Variants in C18orf54 observed in about 807,000 individuals in gnomAD.
The protein encoded by C18orf54 is lung adenoma susceptibility protein 2.
C18orf54 carries 49 observed loss-of-function variants against 49.3 expected under a neutral mutation model. The observed-to-expected ratio is 0.99, with a 90% CI of 0.79 to 1.26. The LOEUF is 1.26. C18orf54 is among the 50% of genes most tolerant of loss of function. C18orf54 has a pLI of 0.00. For missense variants in C18orf54, 687 were observed against 620.6 expected, an observed-to-expected ratio of 1.11 and a Z score of -1.14; for synonymous variants, 211 against 216.6, an observed-to-expected ratio of 0.97 and a Z score of 0.23.
rs1165613066 is a variant in C18orf54, at chr18:54,379,873, G to T, written c.*1627G>T. 6.6e-6 allele frequency: 1 copy of T among 151,906 alleles called. No individual in the cohort carries two copies. Among genetic ancestry groups the T allele is most frequent in the African/African-American group, 2.4e-5 (1 of 41,392 alleles). 9.4% of individuals were successfully genotyped at this position (151,906 alleles called of 1,614,324 possible). The stretch of plus-strand genomic sequence containing the variant: ...GTTGATCATACATAATATATACTAT[G>T]CCTGGAAATTATGACTGAAAAGCAC... On this transcript the variant is annotated 3_prime_UTR_variant, in exon 9 of 9. Coordinates refer to ENST00000620105, the MANE Select transcript of C18orf54 (RefSeq NM_001288980.2).
chr18:54,363,016 T>C (rs2089303693), intron 5 of C18orf54, 95 bp downstream of exon 5: 1 of 1,192,450 alleles, frequency 8.4e-7, no homozygotes, highest in Admixed American at 2.6e-5. Flanking sequence ...TAATTAATAA[T>C]ATTGTAACTC....
chr18:54,367,043 C>G (rs1200334909), intron 6 of C18orf54, among the ~76,000 whole-genome samples: 1 of 152,024 alleles, frequency 6.6e-6, no homozygotes, highest in African/African-American at 2.4e-5. Context: ...TTATGTGTAT[C>G]TTTAAAGGTG....
chr18:54,369,703 A>G (rs1466132550), intron 6 of C18orf54, among the ~76,000 whole-genome samples: 2 of 152,038 alleles, frequency 1.3e-5, no homozygotes, highest in Non-Finnish European at 2.9e-5. Flanking sequence ...TCCTGACCTC[A>G]AGTGATCCAC....
intron 8 of C18orf54, 88 bp from the exon 9 acceptor site, chr18:54,378,086 G>C: frequency 2.0e-6 from 1 of 510,450 alleles, no homozygotes; most frequent in Non-Finnish European, 2.8e-6. Flanking sequence ...GAAGTTAATA[G>C]TCAACTTTAT....
intron 6 of C18orf54, among the ~76,000 whole-genome samples, chr18:54,370,267 A>T (rs532666565): frequency 5.2e-4 from 75 of 144,310 alleles, no homozygotes; most frequent in Non-Finnish European, 1.0e-3. Flanking sequence ...ACAGAGCGAG[A>T]CTCTGTCTCA....
In C18orf54 at chr18:54,360,988, G is replaced by A. The variant is rs977247319; in HGVS notation, c.283+133G>A. On this transcript the variant is annotated intron_variant, in intron 3 of 8. Transcript: ENST00000620105. ...AATAACATAATATTGAGATCTGGGT[G>A]TTTTTGTAAAATGATTATATAATTC... is the stretch of plus-strand genomic sequence containing the variant. 8.3e-6 allele frequency: 7 copies of A among 846,542 alleles called. No homozygotes were observed. The East Asian group carries it at 1.8e-4, about 22-fold the overall frequency. 52.4% of individuals were successfully genotyped at this position (846,542 alleles called of 1,614,324 possible).
At chr18:54,374,115 G>T in intron 7 of C18orf54, 99 bp from the exon 8 acceptor site, 2 of 1,006,366 alleles carry the variant, frequency 2.0e-6, no homozygotes, top group Non-Finnish European at 1.4e-6. Flanking sequence ...TGGAAATGTA[G>T]AAAATATTTT....
At chr18:54,377,618 T>C (rs2089597935) in intron 8 of C18orf54, among the ~76,000 whole-genome samples, 1 of 152,188 alleles carries the variant, frequency 6.6e-6, no homozygotes, top group African/African-American at 2.4e-5. Context: ...AAAATCTAGG[T>C]TGTTGGTATA....
intron 6 of C18orf54, among the ~76,000 whole-genome samples, chr18:54,369,595 G>A (rs8087762): frequency 0.94 from 142,023 of 151,600 alleles, 66,568 homozygotes; most frequent in East Asian, 1. Flanking sequence ...TAGCCTCCCA[G>A]GTAGCTGGGA....
rs2089534154 is a variant in C18orf54, at chr18:54,374,228, TTTCTC to T, written c.1475_1479del (p.Phe492Ter). Reference sequence around the variant, plus strand: ...TTTAATAATAGGTTTCAGAAGATGATTTCTCTAAATTACAGTTGAAGGAAAGTATG... The same window carrying T: ...TTTAATAATAGGTTTCAGAAGATGATTAAATTACAGTTGAAGGAAAGTATG... On this transcript the variant is annotated frameshift_variant, in exon 8 of 9. Coordinates refer to ENST00000620105, the MANE Select transcript of C18orf54 (RefSeq NM_001288980.2). LOFTEE classifies it high-confidence loss of function. 2 of 1,578,232 alleles carry T rather than the reference TTTCTC, an allele frequency of 1.3e-6. No homozygotes were observed. Among genetic ancestry groups the T allele is most frequent in the Non-Finnish European group, 1.7e-6 (2 of 1,161,396 alleles).
chr18:54,360,019 C>T (rs1322141660), intron 2 of C18orf54, among the ~76,000 whole-genome samples: 4 of 152,118 alleles, frequency 2.6e-5, no homozygotes, highest in Non-Finnish European at 4.4e-5. Context: ...AATGTACTAG[C>T]ATTTATAACA....
At chr18:54,365,589 G>A in intron 5 of C18orf54, 130 bp from the exon 6 acceptor site, 3 of 513,802 alleles carry the variant, frequency 5.8e-6, no homozygotes, top group Non-Finnish European at 1.1e-5. Flanking sequence ...ACATTAATAT[G>A]AATCATATCC....
intron 2 of C18orf54, among the ~76,000 whole-genome samples, 184 bp from the exon 3 acceptor site, chr18:54,360,343 C>A (rs1488374318): frequency 2.0e-5 from 3 of 152,070 alleles, no homozygotes; most frequent in African/African-American, 7.2e-5. Context: ...TTTTCTAAAT[C>A]ATTGATGAAG....
intron 6 of C18orf54, among the ~76,000 whole-genome samples, chr18:54,369,943 CCACAT>C (rs1420471559): frequency 6.6e-6 from 1 of 151,588 alleles, no homozygotes; most frequent in Non-Finnish European, 1.5e-5. Flanking sequence ...TGTGTGGGTT[CCACAT>C]CTGTAGATTC....
chr18:54,361,745 T>C lies in C18orf54; in HGVS notation c.386T>C (p.Leu129Ser). 6.2e-7 allele frequency: 1 copy of C among 1,614,050 alleles called. No homozygotes were observed. The highest frequency in any genetic ancestry group is 8.5e-7 in the Non-Finnish European group (1 of 1,179,958). The change falls in exon 4 of 9, where the codon TTA (leucine) becomes TCA (serine). Residue 129 changes from leucine (L) to serine (S), a missense_variant. By Grantham distance (145) the Leu-to-Ser change is moderately radical. Transcript: ENST00000620105. The part of the protein sequence containing the change: ...DSMSLTTDDL[L>S]RLPADGSFSY... ...ATGAGCCTAACAACTGATGATCTATTAAGACTCCCAGCAGATGGATCATTT... is the reference window on the plus strand; with the variant it reads ...ATGAGCCTAACAACTGATGATCTATCAAGACTCCCAGCAGATGGATCATTT...
chr18:54,360,653 T>A lies in C18orf54; in HGVS notation c.81T>A (p.Ser27Arg), dbSNP rs2089248382. 1 of 1,613,884 alleles carries A rather than the reference T, an allele frequency of 6.2e-7. No homozygotes were observed. The highest frequency in any genetic ancestry group is 1.1e-5 in the South Asian group (1 of 91,082). Residue 27 changes from serine to arginine, a missense_variant, in exon 3 of 9, where the codon AGT becomes AGA. Transcript: ENST00000620105. The part of the protein sequence containing the change: ...VSALLASCTL[S>R]GSNSSNSDGS... ...CCCTGCTGGCAAGCTGCACCCTGAG[T>A]GGTAGTAATTCCTCTAATTCTGATG...
chr18:54,365,633 A>T, intron 5 of C18orf54, 86 bp from the exon 6 acceptor site: 1 of 682,386 alleles, frequency 1.5e-6, no homozygotes, highest in Non-Finnish European at 2.5e-6. Context: ...ACTTGTATTT[A>T]AATGAGAATT....
rs778182138 is a variant in C18orf54, at chr18:54,362,922, G to T, written c.1223+1G>T. The T allele has an allele frequency of 2.5e-6, 4 of 1,586,598 alleles. No homozygotes were observed. Among genetic ancestry groups the T allele is most frequent in the African/African-American group, 2.7e-5 (2 of 73,194 alleles). On this transcript the variant is annotated splice_donor_variant, in intron 5 of 8. Transcript: ENST00000620105. LOFTEE classifies it high-confidence loss of function. ...CATGGGAAAATATTCCTGTTACTTTGTAAGTAAGTGGCAATGGAAAAACTG... is the reference window on the plus strand; with the variant it reads ...CATGGGAAAATATTCCTGTTACTTTTTAAGTAAGTGGCAATGGAAAAACTG...
At chr18:54,363,553 T>G (rs2089316598) in intron 5 of C18orf54, among the ~76,000 whole-genome samples, 1 of 152,056 alleles carries the variant, frequency 6.6e-6, no homozygotes, top group Non-Finnish European at 1.5e-5. Flanking sequence ...CCTGACCTCG[T>G]GATCCGCCCG....
Sources: allele counts gnomAD v4.1 joint callset (sites outside exome capture counted in the v4.1 genomes callset), GRCh38; gene constraint gnomAD v4.1.1; transcripts MANE v1.5; gene names NCBI Gene and HGNC (gene_info 2026-07-23, HGNC 2026-07-21).